Variants in SORCS1 observed in about 807,000 individuals in gnomAD.
SORCS1 encodes VPS10 domain-containing receptor SorCS1.
A neutral mutation model predicts 146.1 loss-of-function variants in SORCS1; 60 were observed. The observed-to-expected ratio is 0.41, with a 90% CI of 0.33 to 0.51. The LOEUF is 0.51. Ranked by LOEUF, SORCS1 falls within the 20% of genes least tolerant of loss-of-function variation. The pLI is 0.21. For missense variants in SORCS1, 1,352 were observed against 1,487.6 expected (o/e 0.91, Z 1.50); for synonymous variants, 637 against 584.0 (o/e 1.09, Z -1.31).
intron 17 of SORCS1, among the ~76,000 whole-genome samples, chr10:106,665,375 T>G (rs1216114217): frequency 6.6e-6 from 1 of 150,656 alleles, no homozygotes; most frequent in East Asian, 2.0e-4. Flanking sequence ...CTTCCCTTTT[T>G]TTTTCTCTCT....
intron 3 of SORCS1, among the ~76,000 whole-genome samples, chr10:106,786,876 G>T (rs374107320): frequency 2.6e-5 from 4 of 151,938 alleles, no homozygotes; most frequent in Non-Finnish European, 4.4e-5. Flanking sequence ...ATTTTCATTG[G>T]GTCTTACCTT....
intron 1 of SORCS1, among the ~76,000 whole-genome samples, chr10:106,968,719 G>A (rs185917158): frequency 6.6e-6 from 1 of 152,130 alleles, no homozygotes; most frequent in African/African-American, 2.4e-5. Flanking sequence ...ATAAGAAACT[G>A]GAATAAAAAC....
chr10:107,068,954 A>C, intron 1 of SORCS1, among the ~76,000 whole-genome samples: 1 of 151,914 alleles, frequency 6.6e-6, no homozygotes, highest in East Asian at 1.9e-4. Flanking sequence ...ATAAGCAATT[A>C]TATATATGAA....
chr10:107,171,376 G>C, the SORCS1 span, among the ~76,000 whole-genome samples: 136 of 152,292 alleles, frequency 8.9e-4, no homozygotes, highest in South Asian at 2.5e-3. Flanking sequence ...GTAAAACACT[G>C]TACCATCAAT....
At chr10:106,779,545 A>ATTTTTTTTTTTTTTTTTTTTTTTTTT in intron 3 of SORCS1, among the ~76,000 whole-genome samples, 2 of 116,730 alleles carry the variant, frequency 1.7e-5, no homozygotes, top group African/African-American at 3.2e-5. Context: ...ATTATGGCCC[A>ATTTTTTTTTTTTTTTTTTTTTTTTTT]TATTTTTTTT....
At chr10:106,652,823 G>A (rs1352048346) in intron 17 of SORCS1, among the ~76,000 whole-genome samples, 2 of 152,144 alleles carry the variant, frequency 1.3e-5, no homozygotes, top group African/African-American at 4.8e-5. Context: ...TGTGGGAAAT[G>A]CACAGAAATA....
At chr10:107,147,704 A>C (rs559156789) in intron 1 of SORCS1, among the ~76,000 whole-genome samples, 1 of 152,328 alleles carries the variant, frequency 6.6e-6, no homozygotes, top group African/African-American at 2.4e-5. Flanking sequence ...GTAAATAAAA[A>C]GATTCTATAT....
At chr10:106,774,188 AC>A (rs983538010) in intron 4 of SORCS1, among the ~76,000 whole-genome samples, 1 of 152,138 alleles carries the variant, frequency 6.6e-6, no homozygotes, top group African/African-American at 2.4e-5. Flanking sequence ...TTTGGTTCTT[AC>A]CCTTAGCATC....
intron 17 of SORCS1, among the ~76,000 whole-genome samples, chr10:106,653,480 T>G (rs1322169808): frequency 6.6e-6 from 1 of 152,212 alleles, no homozygotes; most frequent in African/African-American, 2.4e-5. Flanking sequence ...AACAGCCAGA[T>G]AGTGAATGTT....
chr10:106,574,052 T>G lies in SORCS1; in HGVS notation c.*3368A>C, dbSNP rs991189626. The G allele has an allele frequency of 2.4e-5, 3 of 124,762 alleles. No individual in the cohort carries two copies. The highest frequency in any genetic ancestry group is 1.2e-4 in the African/African-American group (3 of 25,848). 7.7% of individuals were successfully genotyped at this position (124,762 alleles called of 1,614,324 possible). A position where few individuals can be genotyped will look rare whatever the true frequency, so the allele number is the denominator to read the frequency against. On this transcript the variant is annotated 3_prime_UTR_variant, in exon 26 of 26. Transcript: ENST00000263054. ...AGTTCCAATACTATAAGAAAACTTTTTTTTTTTTTAATTGGCTTCCTATAA... is the reference window on the plus strand; with the variant it reads ...AGTTCCAATACTATAAGAAAACTTTGTTTTTTTTTAATTGGCTTCCTATAA...
intron 20 of SORCS1, 169 bp downstream of exon 20, chr10:106,620,259 A>AGG: frequency 1.4e-6 from 1 of 733,630 alleles, no homozygotes; most frequent in Non-Finnish European, 2.1e-6. Flanking sequence ...AGAGAGAGAG[A>AGG]GAGAGAGAAC....
At chr10:106,770,471 A>G (rs1437040482) in intron 4 of SORCS1, among the ~76,000 whole-genome samples, 3 of 123,488 alleles carry the variant, frequency 2.4e-5, no homozygotes, top group Admixed American at 2.3e-4. Flanking sequence ...TACTTTTTTC[A>G]AAAAATCGCA....
At chr10:106,841,095 C>T (rs1949018437) in intron 2 of SORCS1, among the ~76,000 whole-genome samples, 1 of 150,338 alleles carries the variant, frequency 6.7e-6, no homozygotes, top group African/African-American at 2.4e-5. Context: ...ACCTCATGAT[C>T]CGCCTGCCTC....
intron 1 of SORCS1, among the ~76,000 whole-genome samples, chr10:106,959,419 C>T (rs1475448941): frequency 6.6e-6 from 1 of 152,160 alleles, no homozygotes; most frequent in African/African-American, 2.4e-5. Context: ...CCCTTCACTG[C>T]CTCTGTGCAT....
chr10:107,120,915 T>C (rs1254116950), intron 1 of SORCS1, among the ~76,000 whole-genome samples: 1 of 152,014 alleles, frequency 6.6e-6, no homozygotes, highest in African/African-American at 2.4e-5. Flanking sequence ...GAAAAAATGA[T>C]CTATGCTAAG....
chr10:107,125,015 C>T lies in SORCS1; in HGVS notation c.558+38954G>A, dbSNP rs543961451. Among the ~76,000 whole-genome samples the T allele has an allele frequency of 9.6e-5, 14 of 145,294 alleles. No individual in the cohort carries two copies. In the East Asian group the frequency reaches 1.8e-3, roughly 19 times the overall value. ...GTTGCCAGGCTGGAGTGCAGTGGCGCGATCTCGGCTCACTGCAACCTCTGC... is the reference window on the plus strand; with the variant it reads ...GTTGCCAGGCTGGAGTGCAGTGGCGTGATCTCGGCTCACTGCAACCTCTGC... On this transcript the variant is annotated intron_variant, in intron 1 of 25. Coordinates refer to ENST00000263054, the MANE Select transcript of SORCS1 (RefSeq NM_052918.5).
At chr10:106,611,034 T>G (rs1165687862) in intron 22 of SORCS1, among the ~76,000 whole-genome samples, 1 of 151,888 alleles carries the variant, frequency 6.6e-6, no homozygotes, top group Admixed American at 6.6e-5. Flanking sequence ...GAGATGAGAT[T>G]GAGTCACTGC....
intron 1 of SORCS1, among the ~76,000 whole-genome samples, chr10:107,061,268 C>G (rs921055594): frequency 1.3e-5 from 2 of 151,932 alleles, no homozygotes; most frequent in Non-Finnish European, 2.9e-5. Context: ...TGAATACTTA[C>G]AACATGAAAG....
At chr10:106,648,872 T>A (rs541941347) in intron 18 of SORCS1, among the ~76,000 whole-genome samples, 18 of 151,914 alleles carry the variant, frequency 1.2e-4, no homozygotes, top group South Asian at 6.2e-4. Flanking sequence ...CCTGTGCCTA[T>A]AAAAACCCCT....
Sources: allele counts gnomAD v4.1 joint callset (sites outside exome capture counted in the v4.1 genomes callset), GRCh38; gene constraint gnomAD v4.1.1; transcripts MANE v1.5; gene names NCBI Gene and HGNC (gene_info 2026-07-23, HGNC 2026-07-21).